SYNDIG1: variants seen among roughly 807,000 people sequenced by gnomAD.
SYNDIG1 encodes synapse differentiation-inducing gene protein 1.
SYNDIG1 carries 9 observed loss-of-function variants against 19.4 expected under a neutral mutation model. That is an observed-to-expected ratio of 0.46 (90% CI 0.28 to 0.81). SYNDIG1 has a LOEUF of 0.81. Among genes scored for constraint, SYNDIG1 ranks in the 30% least tolerant of loss-of-function variants. SYNDIG1 has a pLI of 0.12. For synonymous variants in SYNDIG1, 141 were observed against 145.9 expected (o/e 0.97, Z 0.24); for missense variants, 311 against 343.3 (o/e 0.91, Z 0.74).
intron 2 of SYNDIG1, among the ~76,000 whole-genome samples, chr20:24,559,069 T>C (rs770900378): frequency 9.9e-5 from 15 of 152,256 alleles, no homozygotes; most frequent in South Asian, 2.1e-4. Context: ...ATAGCAAAGA[T>C]AGGGAATCAA....
intron 1 of SYNDIG1, among the ~76,000 whole-genome samples, chr20:24,537,815 CCTGTGGTTCCTTGACTTTCTGCTGTCAT>C (rs1323039781): frequency 6.6e-6 from 1 of 152,090 alleles, no homozygotes; most frequent in African/African-American, 2.4e-5. Context: ...TCTGCCGTCA[CCTGTGGTTCCTTGACTTTCTGCTGTCAT>C]CTGTGGTTCC....
At chr20:24,511,640 T>G (rs1289641495) in intron 1 of SYNDIG1, among the ~76,000 whole-genome samples, 1 of 152,182 alleles carries the variant, frequency 6.6e-6, no homozygotes, top group Non-Finnish European at 1.5e-5. Context: ...TGCGGCAGTA[T>G]CAGCTTGGGC....
In SYNDIG1 at chr20:24,500,607, T is replaced by G. The variant is rs145470771; in HGVS notation, c.-79+30854T>G. On this transcript the variant is annotated intron_variant, in intron 1 of 3. Transcript: ENST00000376862. ...TTTCCTTCTGTCTTAATTCAAGTGA[T>G]GTGTGCCATGCTTGTTACAGATCGT... 2.0e-3 allele frequency among the ~76,000 whole-genome samples: 311 copies of G among 152,024 alleles called. 3 individuals are homozygous for G. The highest frequency in any genetic ancestry group is 7.0e-3 in the African/African-American group (290 of 41,416).
intron 1 of SYNDIG1, among the ~76,000 whole-genome samples, chr20:24,475,783 A>G (rs1319043866): frequency 6.6e-6 from 1 of 151,838 alleles, no homozygotes. Context: ...TTCTCTCCCA[A>G]TTCCTCACCG....
rs777270289 is a variant in SYNDIG1 at position 24,503,956 on chromosome 20, GT to G, written c.-79+34224del. Among the ~76,000 whole-genome samples the G allele has an allele frequency of 3.1e-3, 390 of 125,274 alleles. 1 individual carries two copies. The highest frequency in any genetic ancestry group is 4.5e-3 in the African/African-American group (136 of 30,056). The allele number at this position is 125,274 out of a possible 152,430, so 82.2% of individuals were successfully genotyped here. A position where few individuals can be genotyped will look rare whatever the true frequency, so the allele number is the denominator to read the frequency against. On this transcript the variant is annotated intron_variant, in intron 1 of 3. Transcript: ENST00000376862. ...GATCCGTGGGATCCAGGGAGAGCAG[GT>G]TTTTTTTTTTTTTTTTTTTTGAGAC...
chr20:24,663,064 A>G (rs2059617733), intron 3 of SYNDIG1, among the ~76,000 whole-genome samples: 2 of 152,262 alleles, frequency 1.3e-5, no homozygotes, highest in South Asian at 2.1e-4. Context: ...AAAGGTTCAT[A>G]TCAGGTAAAT....
At chr20:24,478,498 C>A (rs909732258) in intron 1 of SYNDIG1, among the ~76,000 whole-genome samples, 3 of 152,250 alleles carry the variant, frequency 2.0e-5, no homozygotes, top group Non-Finnish European at 2.9e-5. Context: ...TCAGGGCTTG[C>A]TTGCTTTTGT....
chr20:24,583,708 G>A (rs77759896), intron 2 of SYNDIG1, among the ~76,000 whole-genome samples: 1 of 152,232 alleles, frequency 6.6e-6, no homozygotes, highest in Non-Finnish European at 1.5e-5. Flanking sequence ...TTTGTGGGGA[G>A]GGTGGGGCAG....
intron 2 of SYNDIG1, among the ~76,000 whole-genome samples, chr20:24,549,944 C>T (rs745350917): frequency 6.6e-6 from 1 of 152,206 alleles, no homozygotes; most frequent in East Asian, 1.9e-4. Context: ...CTCCTCTTCT[C>T]CCTTTCTCTG....
intron 2 of SYNDIG1, among the ~76,000 whole-genome samples, chr20:24,556,439 G>A (rs968033296): frequency 1.3e-5 from 2 of 152,184 alleles, no homozygotes; most frequent in African/African-American, 4.8e-5. Context: ...TGCAGGGGCT[G>A]GTACCGATTG....
At chr20:24,652,599 T>C (rs140268320) in intron 3 of SYNDIG1, among the ~76,000 whole-genome samples, 3 of 152,198 alleles carry the variant, frequency 2.0e-5, no homozygotes, top group African/African-American at 7.2e-5. Flanking sequence ...AATGGAAACA[T>C]GACAAAGCAA....
intron 1 of SYNDIG1, among the ~76,000 whole-genome samples, chr20:24,521,726 C>T (rs961644289): frequency 1.3e-5 from 2 of 151,852 alleles, no homozygotes; most frequent in Admixed American, 6.6e-5. Context: ...GACAAAACCC[C>T]GTCTCTACTA....
intron 2 of SYNDIG1, among the ~76,000 whole-genome samples, chr20:24,559,874 G>T (rs189902206): frequency 6.6e-6 from 1 of 151,328 alleles, no homozygotes; most frequent in Non-Finnish European, 1.5e-5. Context: ...GTCTTTTGTG[G>T]TTTTTTTCTC....
Position 24,528,362 on chromosome 20 carries a change from C to T in SYNDIG1, c.-78-14658C>T, listed in dbSNP as rs147107268. ...TCTGCTCACCCTTGCTTATTTCTTC[C>T]TGTGTTTAGTGCTTGTCTTAGTTTG... On this transcript the variant is annotated intron_variant, in intron 1 of 3. Coordinates refer to ENST00000376862, the MANE Select transcript of SYNDIG1 (RefSeq NM_024893.3). 2.8e-3 allele frequency among the ~76,000 whole-genome samples: 427 copies of T among 152,262 alleles called. 1 individual carries two copies. The highest frequency in any genetic ancestry group is 9.7e-3 in the African/African-American group (402 of 41,528).
At chr20:24,506,154 G>A (rs2056586597) in intron 1 of SYNDIG1, among the ~76,000 whole-genome samples, 1 of 152,172 alleles carries the variant, frequency 6.6e-6, no homozygotes, top group Non-Finnish European at 1.5e-5. Flanking sequence ...TAATCTCCGG[G>A]AGGAATTTCC....
rs565727620 is a variant in SYNDIG1 at position 24,551,710 on chromosome 20, C to T, written c.480+8133C>T. ...TTTAATTTTTATATAGTTGAAAATA[C>T]TTCTGTAGCCATTGTGATTTTTTAT... On this transcript the variant is annotated intron_variant, in intron 2 of 3. Transcript: ENST00000376862. 2.0e-5 allele frequency among the ~76,000 whole-genome samples: 3 copies of T among 152,136 alleles called. No individual in the cohort carries two copies. The East Asian group carries it at 5.8e-4, about 29-fold the overall frequency.
chr20:24,570,602 T>G (rs1462814660), intron 2 of SYNDIG1, among the ~76,000 whole-genome samples: 2 of 152,204 alleles, frequency 1.3e-5, no homozygotes, highest in Non-Finnish European at 2.9e-5. Context: ...ACCATGATTA[T>G]ATACCACTGC....
chr20:24,556,712 G>A (rs917780245), intron 2 of SYNDIG1, among the ~76,000 whole-genome samples: 6 of 152,192 alleles, frequency 3.9e-5, no homozygotes, highest in Non-Finnish European at 5.9e-5. Context: ...TGGGTAACCC[G>A]ACGTTTCTCT....
chr20:24,595,545 T>C (rs991159648), intron 3 of SYNDIG1, among the ~76,000 whole-genome samples: 13 of 152,238 alleles, frequency 8.5e-5, no homozygotes, highest in Non-Finnish European at 1.0e-4. Context: ...CCTCCTCCAC[T>C]TTTTTGTAAT....
Sources: allele counts gnomAD v4.1 joint callset (sites outside exome capture counted in the v4.1 genomes callset), GRCh38; gene constraint gnomAD v4.1.1; transcripts MANE v1.5; gene names NCBI Gene and HGNC (gene_info 2026-07-23, HGNC 2026-07-21).